The following SLC6A5 variants were observed in gnomAD, a reference collection of about 807,000 sequenced individuals.
SLC6A5 encodes the protein sodium- and chloride-dependent glycine transporter 2.
In SLC6A5, 58 loss-of-function variants were observed where a neutral mutation model predicts 90.5. The ratio of observed to expected loss-of-function variants is 0.64; its 90% CI spans 0.52 to 0.80. The LOEUF is 0.80. Among genes scored for constraint, SLC6A5 ranks in the 30% least tolerant of loss-of-function variants. The probability of loss-of-function intolerance (pLI) is 0.00; values close to 1 mark genes in which losing one functional copy is unlikely to be tolerated. For missense variants in SLC6A5, 1,015 were observed against 1,017.6 expected (o/e 1.00, Z 0.03); for synonymous variants, 427 against 401.4 (o/e 1.06, Z -0.76).
intron 1 of SLC6A5, 109 bp downstream of exon 1, chr11:20,599,784 A>G (rs1294181913): frequency 1.6e-6 from 2 of 1,261,654 alleles, no homozygotes; most frequent in African/African-American, 2.9e-5. Flanking sequence ...GGGTGGGGGG[A>G]AAGGGGGCGA....
rs755102755 is a variant in SLC6A5 at position 20,637,229 on chromosome 11, C to T, written c.1795C>T (p.Arg599Cys). 34 of 1,613,634 alleles carry T rather than the reference C, an allele frequency of 2.1e-5. No individual in the cohort carries two copies. Among genetic ancestry groups the T allele is most frequent in the African/African-American group, 1.2e-4 (9 of 74,934 alleles). Residue 599 changes from arginine to cysteine, a missense_variant, in exon 12 of 16, where the codon CGC (arginine) becomes TGC (cysteine). This residue lies in a region of SLC6A5 where 442 missense variants were observed against 494.3 expected (regional missense o/e 0.89). Transcript: ENST00000525748. Reference sequence around the variant, plus strand: ...CTCAGACGAGTTTCCCAAGTACCTACGCACACACAAGCCAGTGTTTACTCT... The same window carrying T: ...CTCAGACGAGTTTCCCAAGTACCTATGCACACACAAGCCAGTGTTTACTCT... ...SISDEFPKYL[R>C]THKPVFTLGC...
intron 7 of SLC6A5, among the ~76,000 whole-genome samples, chr11:20,622,781 G>A (rs1474583543): frequency 6.7e-5 from 6 of 89,290 alleles, no homozygotes; most frequent in Admixed American, 1.2e-4. Context: ...TGTCCTCTCC[G>A]TCACCTCTTC....
intron 10 of SLC6A5, 110 bp downstream of exon 10, chr11:20,630,925 T>C: frequency 7.9e-7 from 1 of 1,266,910 alleles, no homozygotes; most frequent in Non-Finnish European, 1.1e-6. Flanking sequence ...GGATAGAGGG[T>C]GGAGGAGCCC....
intron 14 of SLC6A5, among the ~76,000 whole-genome samples, chr11:20,647,435 T>C (rs1038159512): frequency 7.0e-6 from 1 of 143,040 alleles, no homozygotes; most frequent in African/African-American, 2.6e-5. Flanking sequence ...ATAGTTCCTA[T>C]TATATATATA....
At chr11:20,622,165 A>T (rs1048089343) in intron 7 of SLC6A5, among the ~76,000 whole-genome samples, 2 of 152,192 alleles carry the variant, frequency 1.3e-5, no homozygotes, top group African/African-American at 4.8e-5. Flanking sequence ...GTGCATTCTG[A>T]ATCTCCCCTG....
chr11:20,645,913 G>A (rs1197838603), intron 13 of SLC6A5, among the ~76,000 whole-genome samples: 1 of 152,152 alleles, frequency 6.6e-6, no homozygotes, highest in Non-Finnish European at 1.5e-5. Context: ...GGGATTACAG[G>A]CATGAGCCAC....
intron 3 of SLC6A5, 71 bp downstream of exon 3, chr11:20,604,495 C>A: frequency 2.5e-6 from 4 of 1,574,864 alleles, no homozygotes; most frequent in South Asian, 2.3e-5. Context: ...GGGACAGGAG[C>A]CCTCAGGCAG....
At chr11:20,626,983 C>T in intron 8 of SLC6A5, 141 bp downstream of exon 8, 1 of 702,746 alleles carries the variant, frequency 1.4e-6, no homozygotes, top group Non-Finnish European at 2.5e-6. Context: ...ACATTATGCA[C>T]TCAGGAAATA....
At chr11:20,635,340 G>A (rs1853184298) in intron 10 of SLC6A5, among the ~76,000 whole-genome samples, 1 of 152,046 alleles carries the variant, frequency 6.6e-6, no homozygotes, top group Non-Finnish European at 1.5e-5. Context: ...ATCTGGATTT[G>A]GACCAGATCT....
At chr11:20,629,001 CAGAT>C (rs1369418950) in intron 9 of SLC6A5, among the ~76,000 whole-genome samples, 1 of 152,134 alleles carries the variant, frequency 6.6e-6, no homozygotes, top group Non-Finnish European at 1.5e-5. Context: ...CAGCCTATGA[CAGAT>C]AGACTCATTG....
intron 3 of SLC6A5, 35 bp from the exon 4 acceptor site, chr11:20,606,972 C>G (rs1205620131): frequency 6.2e-7 from 1 of 1,613,820 alleles, no homozygotes; most frequent in East Asian, 2.2e-5. Context: ...CTGCTTTTGC[C>G]TCCTAGGGCT....
At chr11:20,638,212 C>CT (rs1003523415) in intron 12 of SLC6A5, among the ~76,000 whole-genome samples, 1 of 152,106 alleles carries the variant, frequency 6.6e-6, no homozygotes. Flanking sequence ...TGTTAAATCG[C>CT]TTTTTTTGGT....
intron 3 of SLC6A5, among the ~76,000 whole-genome samples, chr11:20,605,107 T>C (rs1333809710): frequency 6.6e-6 from 1 of 152,132 alleles, no homozygotes; most frequent in Non-Finnish European, 1.5e-5. Context: ...CTTGTACCTC[T>C]TCTGTACCCA....
rs1197374743 is a variant in SLC6A5 at position 20,628,053 on chromosome 11, C to T, written c.1469C>T (p.Ser490Phe). ...AAWGGLITLSSYNKFHNNCYR... is the reference protein window; with the variant it reads ...AAWGGLITLSFYNKFHNNCYR... ...TGGGGAGGCCTGATCACTCTCTCTTCTTACAACAAATTCCACAACAACTGC... is the reference window on the plus strand; with the variant it reads ...TGGGGAGGCCTGATCACTCTCTCTTTTTACAACAAATTCCACAACAACTGC... Residue 490 changes from serine (S) to phenylalanine (F), a missense_variant, in exon 9 of 16, where the codon TCT becomes TTT. Physicochemically the swap from Ser to Phe is radical, Grantham distance 155. Around this residue, in one of 3 missense-constraint regions of SLC6A5, gnomAD observed 442 missense variants for 494.3 expected, o/e 0.89. Transcript: ENST00000525748. 1.5e-5 allele frequency: 25 copies of T among 1,613,992 alleles called. No homozygotes were observed. The highest frequency in any genetic ancestry group is 1.9e-5 in the Non-Finnish European group (23 of 1,179,968).
At chr11:20,617,323 T>G (rs1483700574) in intron 6 of SLC6A5, among the ~76,000 whole-genome samples, 1 of 152,228 alleles carries the variant, frequency 6.6e-6, no homozygotes, top group Admixed American at 6.5e-5. Flanking sequence ...TGTACTAATT[T>G]TTAAAATTAA....
At chr11:20,640,605 C>A in intron 13 of SLC6A5, among the ~76,000 whole-genome samples, 1 of 151,416 alleles carries the variant, frequency 6.6e-6, no homozygotes, top group East Asian at 1.9e-4. Context: ...TCTGCAGTGT[C>A]GGATGTGGGT....
chr11:20,606,060 C>G (rs753815217), intron 3 of SLC6A5, among the ~76,000 whole-genome samples: 1 of 152,238 alleles, frequency 6.6e-6, no homozygotes, highest in Admixed American at 6.5e-5. Flanking sequence ...TCGCGCATCT[C>G]CAGTGCCCAC....
chr11:20,609,893 G>A (rs1286651181), intron 5 of SLC6A5, among the ~76,000 whole-genome samples: 1 of 152,224 alleles, frequency 6.6e-6, no homozygotes, highest in South Asian at 2.1e-4. Context: ...GGTTGTAAGA[G>A]AGGCTGCTGT....
intron 10 of SLC6A5, among the ~76,000 whole-genome samples, chr11:20,634,115 C>T (rs1853159420): frequency 6.6e-6 from 1 of 152,168 alleles, no homozygotes; most frequent in South Asian, 2.1e-4. Flanking sequence ...TGTGATCTGC[C>T]CACCTTGGCC....
Sources: allele counts gnomAD v4.1 joint callset (sites outside exome capture counted in the v4.1 genomes callset), GRCh38; gene constraint gnomAD v4.1.1; regional missense constraint gnomAD v4.1.1; transcripts MANE v1.5; gene names NCBI Gene and HGNC (gene_info 2026-07-23, HGNC 2026-07-21).